Variants in SLC24A3 observed in about 807,000 individuals in gnomAD.
SLC24A3 encodes the protein solute carrier family 24 member 3.
In SLC24A3, 28 loss-of-function variants were observed where a neutral mutation model predicts 75.8. The observed-to-expected ratio is 0.37, with a 90% confidence interval of 0.27 to 0.51. The LOEUF (loss-of-function observed/expected upper bound fraction) is 0.51. SLC24A3 is among the 20% of genes least tolerant of loss of function. The pLI is 0.94. For synonymous variants in SLC24A3, 372 were observed against 334.1 expected (o/e 1.11, Z -1.24); for missense variants, 663 against 847.8 (o/e 0.78, Z 2.71).
intron 2 of SLC24A3, among the ~76,000 whole-genome samples, chr20:19,479,207 C>T (rs1988010283): frequency 1.3e-5 from 2 of 152,350 alleles, no homozygotes; most frequent in Non-Finnish European, 2.9e-5. Flanking sequence ...ATGCTTCCTT[C>T]CTGCCAATGT....
chr20:19,244,625 G>T (rs765444678), intron 1 of SLC24A3, among the ~76,000 whole-genome samples: 4 of 152,132 alleles, frequency 2.6e-5, no homozygotes, highest in Non-Finnish European at 4.4e-5. Context: ...AGTTGAAATA[G>T]GAATTCAGGT....
intron 2 of SLC24A3, among the ~76,000 whole-genome samples, chr20:19,341,914 G>A (rs1347108856): frequency 6.6e-6 from 1 of 152,094 alleles, no homozygotes; most frequent in African/African-American, 2.4e-5. Flanking sequence ...TCTGACCCTG[G>A]ACTCATCTGG....
chr20:19,581,743 T>C (rs1241950283), intron 4 of SLC24A3, among the ~76,000 whole-genome samples: 1 of 152,166 alleles, frequency 6.6e-6, no homozygotes, highest in Non-Finnish European at 1.5e-5. Flanking sequence ...CAACTTGCCC[T>C]GGGTCAAGGG....
chr20:19,698,647 T>A lies in SLC24A3; in HGVS notation c.1686T>A (p.Ala562=). Reference sequence around the variant, plus strand: ...TGATTGGCCTCGGTCTCCCCTGGGCTCTGCAGACCCTGGCTGTGGATTACG... The same window carrying A: ...TGATTGGCCTCGGTCTCCCCTGGGCACTGCAGACCCTGGCTGTGGATTACG... The part of the protein sequence containing the change: ...DILIGLGLPW[A]LQTLAVDYGS... The change falls in exon 15 of 17, where the codon GCT becomes GCA. Residue 562 remains alanine, a synonymous_variant. Transcript: ENST00000328041. The A allele has an allele frequency of 6.3e-7, 1 of 1,591,808 alleles. No individual in the cohort carries two copies. Among genetic ancestry groups the A allele is most frequent in the Non-Finnish European group, 8.6e-7 (1 of 1,167,026 alleles).
chr20:19,410,473 A>G (rs576094442), intron 2 of SLC24A3, among the ~76,000 whole-genome samples: 1 of 152,322 alleles, frequency 6.6e-6, no homozygotes, highest in Admixed American at 6.5e-5. Flanking sequence ...TCTCACCACA[A>G]GGAAGGTGGT....
intron 1 of SLC24A3, among the ~76,000 whole-genome samples, chr20:19,270,691 GAATT>G (rs1983300517): frequency 6.6e-6 from 1 of 151,966 alleles, no homozygotes; most frequent in Non-Finnish European, 1.5e-5. Context: ...TTCCACATAT[GAATT>G]TGACACCAAC....
rs138937995 is a variant in SLC24A3, at chr20:19,467,329, C to G, written c.272-48159C>G. On this transcript the variant is annotated intron_variant, in intron 2 of 16. Coordinates refer to ENST00000328041, the MANE Select transcript of SLC24A3 (RefSeq NM_020689.4). Reference sequence around the variant, plus strand: ...GAAAAGAAGCAAGAAAAACTCCAAACGGGTGGCTTAACCACTTGGTGGATT... The same window carrying G: ...GAAAAGAAGCAAGAAAAACTCCAAAGGGGTGGCTTAACCACTTGGTGGATT... 3.3e-5 allele frequency among the ~76,000 whole-genome samples: 5 copies of G among 152,298 alleles called. No homozygotes were observed. The East Asian group carries it at 9.7e-4, about 29-fold the overall frequency.
intron 6 of SLC24A3, among the ~76,000 whole-genome samples, chr20:19,626,077 T>C (rs751506721): frequency 2.6e-5 from 4 of 152,134 alleles, no homozygotes; most frequent in Non-Finnish European, 4.4e-5. Context: ...TAGTAATAAT[T>C]ATTATATTTT....
intron 2 of SLC24A3, among the ~76,000 whole-genome samples, chr20:19,414,730 G>A (rs1240136562): frequency 6.6e-6 from 1 of 152,128 alleles, no homozygotes; most frequent in Admixed American, 6.5e-5. Flanking sequence ...ATAGAAGAGA[G>A]AATAGCATTC....
Position 19,561,346 on chromosome 20 carries a change from G to C in SLC24A3, c.349-18654G>C, listed in dbSNP as rs141146637. Among the ~76,000 whole-genome samples the C allele has an allele frequency of 6.1e-3, 928 of 152,216 alleles. 6 individuals are homozygous for C. Among genetic ancestry groups the C allele is most frequent in the Middle Eastern group, 0.031 (9 of 294 alleles). On this transcript the variant is annotated intron_variant, in intron 3 of 16. Coordinates refer to ENST00000328041, the MANE Select transcript of SLC24A3 (RefSeq NM_020689.4). Reference sequence around the variant, plus strand: ...GGGGCAGATTGGATTTTACCACTGCGTTGGTCATCCCTGATGACCGCTGGG... The same window carrying C: ...GGGGCAGATTGGATTTTACCACTGCCTTGGTCATCCCTGATGACCGCTGGG...
intron 1 of SLC24A3, among the ~76,000 whole-genome samples, chr20:19,278,100 C>T (rs143769373): frequency 1.5e-3 from 234 of 152,312 alleles, no homozygotes; most frequent in African/African-American, 5.4e-3. Context: ...CCTGTCATTG[C>T]CCAAGGCCTT....
intron 2 of SLC24A3, among the ~76,000 whole-genome samples, chr20:19,369,835 A>C (rs974333009): frequency 6.6e-6 from 1 of 152,132 alleles, no homozygotes; most frequent in African/African-American, 2.4e-5. Flanking sequence ...GTGTCTTTTT[A>C]AAATTTTTTT....
intron 16 of SLC24A3, 104 bp downstream of exon 16, chr20:19,717,697 G>A: frequency 1.6e-6 from 2 of 1,248,482 alleles, no homozygotes; most frequent in Non-Finnish European, 1.2e-6. Context: ...CTGGGTACAA[G>A]CAACCTCCTT....
rs577566416 is a variant in SLC24A3, at chr20:19,390,641, C to G, written c.271+109554C>G. Among the ~76,000 whole-genome samples, 8 of 152,276 alleles carry G rather than the reference C, an allele frequency of 5.3e-5. No homozygotes were observed. In the East Asian group the frequency reaches 1.2e-3, roughly 22 times the overall value. On this transcript the variant is annotated intron_variant, in intron 2 of 16. Coordinates refer to ENST00000328041, the MANE Select transcript of SLC24A3 (RefSeq NM_020689.4). ...TGGACCATGGAGCTGTGGGGAGTGA[C>G]CTGTTGCTTGGAGTCACAGGGACTG...
At chr20:19,630,775 A>G (rs922495058) in intron 6 of SLC24A3, among the ~76,000 whole-genome samples, 5 of 152,230 alleles carry the variant, frequency 3.3e-5, no homozygotes, top group Non-Finnish European at 7.3e-5. Flanking sequence ...AAAGACTACA[A>G]TGGAAAAGGA....
intron 6 of SLC24A3, among the ~76,000 whole-genome samples, 198 bp from the exon 7 acceptor site, chr20:19,653,864 A>G (rs1296611928): frequency 3.9e-5 from 6 of 152,220 alleles, no homozygotes; most frequent in Non-Finnish European, 1.5e-5. Flanking sequence ...AAATTGTTGC[A>G]GGTTTAATTG....
chr20:19,658,200 C>T (rs2032286548), intron 7 of SLC24A3, among the ~76,000 whole-genome samples: 1 of 152,118 alleles, frequency 6.6e-6, no homozygotes, highest in Non-Finnish European at 1.5e-5. Context: ...GGCCTGGAGA[C>T]CCACAGAGAG....
intron 1 of SLC24A3, among the ~76,000 whole-genome samples, chr20:19,271,557 A>G (rs1406977252): frequency 6.6e-6 from 1 of 152,260 alleles, no homozygotes; most frequent in African/African-American, 2.4e-5. Context: ...TAGCAGCACA[A>G]TTCGCAATTG....
intron 1 of SLC24A3, among the ~76,000 whole-genome samples, chr20:19,278,785 C>T (rs1285639341): frequency 6.6e-6 from 1 of 152,164 alleles, no homozygotes; most frequent in Non-Finnish European, 1.5e-5. Flanking sequence ...GGGAAAAAAA[C>T]CTGGGGGGCT....
Sources: gnomAD v4.1 joint callset for allele counts (sites outside exome capture counted in the v4.1 genomes callset) on GRCh38, gnomAD v4.1.1 for gene constraint, MANE v1.5 for transcripts, NCBI Gene and HGNC (gene_info 2026-07-23, HGNC 2026-07-21) for gene names.